Variants in NXPE2 observed in about 807,000 individuals in gnomAD.
NXPE2 encodes the protein NXPE family member 2.
In NXPE2, 34 loss-of-function variants were observed where a neutral mutation model predicts 34.4. The observed-to-expected ratio is 0.99, with a 90% CI of 0.75 to 1.31. The LOEUF is 1.31. Ranked by LOEUF, NXPE2 falls within the 40% of genes most tolerant of loss-of-function variation. NXPE2 has a pLI of 0.00. For missense variants in NXPE2, 649 were observed against 672.5 expected (o/e 0.97, Z 0.39); for synonymous variants, 235 against 231.3 (o/e 1.02, Z -0.15).
chr11:114,705,678 A>G (rs1951458065), intron 4 of NXPE2, 103 bp from the exon 5 acceptor site: 2 of 622,432 alleles, frequency 3.2e-6, no homozygotes. Context: ...GCTGAAGAGA[A>G]AGGGGGAGGA....
chr11:114,549,159 C>T, the NXPE2 span, among the ~76,000 whole-genome samples: 2 of 151,616 alleles, frequency 1.3e-5, no homozygotes, highest in African/African-American at 2.4e-5. Context: ...TGCACAAAGC[C>T]AGGCTGATGG....
the NXPE2 span, among the ~76,000 whole-genome samples, chr11:114,601,380 A>T: frequency 6.9e-6 from 1 of 144,376 alleles, no homozygotes. Context: ...ACTTAGGATA[A>T]TACCCTCCAG....
the NXPE2 span, among the ~76,000 whole-genome samples, chr11:114,794,470 G>C: frequency 1.3e-5 from 2 of 152,120 alleles, no homozygotes; most frequent in African/African-American, 4.8e-5. Context: ...GTGTGAATGT[G>C]TACCTACCAC....
At chr11:114,582,568 G>C in the NXPE2 span, 1 of 1,614,138 alleles carries the variant, frequency 6.2e-7, no homozygotes, top group South Asian at 1.1e-5. Flanking sequence ...CCTTCACTGG[G>C]GTGGATGAGC....
chr11:114,538,128 A>G, the NXPE2 span, among the ~76,000 whole-genome samples: 3 of 152,116 alleles, frequency 2.0e-5, no homozygotes, highest in East Asian at 5.8e-4. Context: ...AATGCCACAT[A>G]TCTACAACTA....
chr11:114,577,508 C>T, the NXPE2 span, among the ~76,000 whole-genome samples: 1 of 151,976 alleles, frequency 6.6e-6, no homozygotes, highest in Non-Finnish European at 1.5e-5. Flanking sequence ...AGAACTTATC[C>T]ATGTAACCAA....
At chr11:114,797,826 T>G in the NXPE2 span, among the ~76,000 whole-genome samples, 3 of 152,332 alleles carry the variant, frequency 2.0e-5, 1 homozygote, top group African/African-American at 7.2e-5. Flanking sequence ...ATTTTCATAC[T>G]AAAACAATCT....
chr11:114,474,852 A>G, the NXPE2 span, among the ~76,000 whole-genome samples: 14 of 152,192 alleles, frequency 9.2e-5, no homozygotes, highest in African/African-American at 2.9e-4. Context: ...AGCAAGGACC[A>G]TGCAAGCGAA....
the NXPE2 span, among the ~76,000 whole-genome samples, chr11:114,802,896 AG>A: frequency 1.0e-5 from 1 of 95,286 alleles, no homozygotes; most frequent in Non-Finnish European, 2.6e-5. Flanking sequence ...GAAATAAAAA[AG>A]ATAATTAAAA....
chr11:114,581,103 T>A, the NXPE2 span, among the ~76,000 whole-genome samples: 1 of 152,156 alleles, frequency 6.6e-6, no homozygotes, highest in Admixed American at 6.5e-5. Context: ...TTAGCAAGGC[T>A]TTCTTTCTTT....
At chr11:114,773,287 C>CT in the NXPE2 span, among the ~76,000 whole-genome samples, 1 of 93,356 alleles carries the variant, frequency 1.1e-5, no homozygotes, top group Non-Finnish European at 2.4e-5. Flanking sequence ...CCACCCCCCC[C>CT]CCACCCCATT....
chr11:114,571,850 A>G, the NXPE2 span, among the ~76,000 whole-genome samples: 1 of 152,216 alleles, frequency 6.6e-6, no homozygotes, highest in African/African-American at 2.4e-5. Flanking sequence ...GAGATGCTGA[A>G]AAACTGTGTC....
chr11:114,530,372 G>T, the NXPE2 span: 35 of 1,614,056 alleles, frequency 2.2e-5, 1 homozygote, highest in South Asian at 3.7e-4. Flanking sequence ...CATGAGAGGT[G>T]CCATTAACAA....
chr11:114,545,558 T>C, the NXPE2 span, among the ~76,000 whole-genome samples: 1 of 152,150 alleles, frequency 6.6e-6, no homozygotes, highest in East Asian at 1.9e-4. Context: ...TGCCAGAGAT[T>C]TGGGGAGGGG....
the NXPE2 span, among the ~76,000 whole-genome samples, chr11:114,569,788 T>C: frequency 6.6e-6 from 1 of 152,090 alleles, no homozygotes; most frequent in East Asian, 1.9e-4. Context: ...CTAATAGTAG[T>C]AGTAATAGAT....
At chr11:114,636,555 A>T in the NXPE2 span, among the ~76,000 whole-genome samples, 2 of 151,468 alleles carry the variant, frequency 1.3e-5, no homozygotes, top group Non-Finnish European at 3.0e-5. Flanking sequence ...TTGTGATGTT[A>T]GGGTGTCAAT....
chr11:114,769,725 A>G, the NXPE2 span, among the ~76,000 whole-genome samples: 1 of 152,192 alleles, frequency 6.6e-6, no homozygotes, highest in Non-Finnish European at 1.5e-5. Flanking sequence ...AGAAATCCAA[A>G]CACTGCATGT....
At chr11:114,594,398 GA>G in the NXPE2 span, among the ~76,000 whole-genome samples, 1 of 152,128 alleles carries the variant, frequency 6.6e-6, no homozygotes, top group African/African-American at 2.4e-5. Context: ...TTCCCTTAAA[GA>G]AAGTAAAAAG....
At chr11:114,694,561 G>T (rs1049422495) in intron 2 of NXPE2, among the ~76,000 whole-genome samples, 2 of 151,694 alleles carry the variant, frequency 1.3e-5, no homozygotes, top group Non-Finnish European at 2.9e-5. Context: ...TCTCCTTTTG[G>T]TATTCCCATT....
Sources: allele counts gnomAD v4.1 joint callset (sites outside exome capture counted in the v4.1 genomes callset), GRCh38; gene constraint gnomAD v4.1.1; transcripts MANE v1.5; gene names NCBI Gene and HGNC (gene_info 2026-07-23, HGNC 2026-07-21).